The following ROBO2 variants were observed in gnomAD, a reference collection of about 807,000 sequenced individuals.
ROBO2 encodes the protein roundabout homolog 2.
Under a neutral mutation model 160.8 loss-of-function variants are expected in ROBO2, and 53 were observed. The observed-to-expected ratio is 0.33, with a 90% CI of 0.26 to 0.41. ROBO2 has a LOEUF of 0.41. Ranked by LOEUF, ROBO2 falls within the 10% of genes least tolerant of loss-of-function variation. The pLI is 1.00. For synonymous variants in ROBO2, 664 were observed against 611.7 expected, an observed-to-expected ratio of 1.09 and a Z score of -1.26; for missense variants, 1,577 against 1,722.4, an observed-to-expected ratio of 0.92 and a Z score of 1.49.
chr3:76,307,835 A>G (rs2071397937), intron 2 of ROBO2, among the ~76,000 whole-genome samples: 1 of 151,920 alleles, frequency 6.6e-6, no homozygotes. Context: ...CCTCTAAAGC[A>G]CTTAAAACCT....
chr3:76,239,353 C>T (rs1219812505), intron 2 of ROBO2, among the ~76,000 whole-genome samples: 16 of 32,684 alleles, frequency 4.9e-4, no homozygotes, highest in South Asian at 2.6e-3. Context: ...GTATAGAATA[C>T]GTATATGTAT....
At chr3:76,657,309 C>T (rs1388221789) in intron 2 of ROBO2, among the ~76,000 whole-genome samples, 1 of 151,832 alleles carries the variant, frequency 6.6e-6, no homozygotes, top group Non-Finnish European at 1.5e-5. Flanking sequence ...CCTGTAGTCC[C>T]AGCTACTCGG....
intron 2 of ROBO2, among the ~76,000 whole-genome samples, chr3:76,387,975 C>A (rs2076971374): frequency 6.6e-6 from 1 of 152,092 alleles, no homozygotes; most frequent in South Asian, 2.1e-4. Flanking sequence ...AAAATTAAAT[C>A]AAAATACTAT....
At position 76,658,564 on chromosome 3, in the gene ROBO2, C is replaced by CTG. The variant is rs376735987; in HGVS notation, c.110-439449_110-439448insGT. Among the ~76,000 whole-genome samples the CTG allele has an allele frequency of 2.4e-3, 358 of 152,262 alleles. 3 individuals are homozygous for CTG. The highest frequency in any genetic ancestry group is 8.0e-3 in the African/African-American group (334 of 41,556). On this transcript the variant is annotated intron_variant, in intron 2 of 26. Coordinates refer to the ROBO2 transcript ENST00000487694. ...ATGTGTTCTCACTGTTCAAATCCCA[C>CTG]TTATCAGTGAGAACATGCAGTGCTT...
chr3:76,504,519 CTTTTTTTTTTTTTTT>C (rs57591523), intron 2 of ROBO2, among the ~76,000 whole-genome samples: 9 of 73,520 alleles, frequency 1.2e-4, no homozygotes, highest in African/African-American at 1.7e-4. Flanking sequence ...AGAAAATACT[CTTTTTTTTTTTTTTT>C]TTTTTTTTTT....
intron 2 of ROBO2, among the ~76,000 whole-genome samples, chr3:76,168,861 T>C (rs528605743): frequency 1.3e-5 from 2 of 151,746 alleles, no homozygotes; most frequent in Non-Finnish European, 2.9e-5. Context: ...ATTGTGAATA[T>C]TGATTGCCTA....
intron 2 of ROBO2, among the ~76,000 whole-genome samples, chr3:77,389,644 T>G (rs746282924): frequency 6.6e-6 from 1 of 152,126 alleles, no homozygotes; most frequent in African/African-American, 2.4e-5. Flanking sequence ...TTTCTTCTTC[T>G]TCCCTTTTTC....
At chr3:76,725,712 A>C (rs2107773459) in intron 2 of ROBO2, among the ~76,000 whole-genome samples, 1 of 152,292 alleles carries the variant, frequency 6.6e-6, no homozygotes, top group Middle Eastern at 3.4e-3. Context: ...TAGTTGGATC[A>C]AAGGCAGGTA....
chr3:76,301,132 G>T (rs542792615), intron 2 of ROBO2, among the ~76,000 whole-genome samples: 3 of 152,128 alleles, frequency 2.0e-5, no homozygotes, highest in African/African-American at 7.2e-5. Context: ...AAAAGCAAGA[G>T]CATCCAGAAA....
At chr3:75,912,015 A>C (rs1946617867) in intron 1 of ROBO2, among the ~76,000 whole-genome samples, 1 of 152,174 alleles carries the variant, frequency 6.6e-6, no homozygotes. Context: ...TACTATGGAG[A>C]TATCCCACAT....
intron 2 of ROBO2, among the ~76,000 whole-genome samples, chr3:76,891,574 G>A (rs536838920): frequency 6.6e-6 from 1 of 151,772 alleles, no homozygotes; most frequent in Non-Finnish European, 1.5e-5. Flanking sequence ...TCCAGTTGAT[G>A]GTATTTCAAG....
chr3:77,155,234 A>G (rs1447984049), intron 2 of ROBO2, among the ~76,000 whole-genome samples: 1 of 151,988 alleles, frequency 6.6e-6, no homozygotes, highest in Non-Finnish European at 1.5e-5. Context: ...TATCAGATTC[A>G]TAGCAAGGGG....
At chr3:77,621,979 G>C (rs565539240) in intron 22 of ROBO2, among the ~76,000 whole-genome samples, 1 of 151,986 alleles carries the variant, frequency 6.6e-6, no homozygotes, top group Admixed American at 6.6e-5. Context: ...TACTGGGCCC[G>C]TATTTTTTTT....
chr3:77,222,011 C>T (rs2085882377), intron 2 of ROBO2, among the ~76,000 whole-genome samples: 1 of 151,830 alleles, frequency 6.6e-6, no homozygotes, highest in Admixed American at 6.6e-5. Context: ...CGCCACTACT[C>T]CCAGCTAATT....
intron 2 of ROBO2, among the ~76,000 whole-genome samples, chr3:77,349,007 G>A (rs905770641): frequency 1.3e-5 from 2 of 151,914 alleles, no homozygotes; most frequent in Non-Finnish European, 2.9e-5. Context: ...CTGCACCTGA[G>A]GTTTTGTATT....
chr3:76,613,432 C>G (rs1386028076), intron 2 of ROBO2, among the ~76,000 whole-genome samples: 1 of 151,980 alleles, frequency 6.6e-6, no homozygotes, highest in Non-Finnish European at 1.5e-5. Context: ...CATAAGGAAG[C>G]CTATTCTGAT....
rs1470795804 is a variant in ROBO2, at chr3:77,148,014, G to A, written c.388+49674G>A. ...CCTTGAACTTTGCACACAGAGACGC[G>A]AGGCCTGGGCAGAAGGCAGTGCATC... On this transcript the variant is annotated intron_variant, in intron 2 of 25. Transcript: ENST00000461745. Among the ~76,000 whole-genome samples, 4 of 152,292 alleles carry A rather than the reference G, an allele frequency of 2.6e-5. No homozygotes were observed. In the East Asian group the frequency reaches 5.8e-4, roughly 22 times the overall value.
intron 2 of ROBO2, among the ~76,000 whole-genome samples, chr3:77,377,260 T>C (rs1412754232): frequency 6.6e-6 from 1 of 152,202 alleles, no homozygotes; most frequent in African/African-American, 2.4e-5. Flanking sequence ...AAAAATTATC[T>C]TGTTCCCCTA....
At chr3:76,864,820 T>A (rs2071188636) in intron 2 of ROBO2, among the ~76,000 whole-genome samples, 1 of 152,126 alleles carries the variant, frequency 6.6e-6, no homozygotes, top group Admixed American at 6.6e-5. Flanking sequence ...TCAGACAAAC[T>A]ATTTTCCATC....
Sources: allele counts gnomAD v4.1 joint callset (sites outside exome capture counted in the v4.1 genomes callset), GRCh38; gene constraint gnomAD v4.1.1; transcripts MANE v1.5; gene names NCBI Gene and HGNC (gene_info 2026-07-23, HGNC 2026-07-21).